PHACTR1: variants seen among roughly 807,000 people sequenced by gnomAD.
PHACTR1 encodes RPEL repeat containing 1.
A neutral mutation model predicts 69.2 loss-of-function variants in PHACTR1; 16 were observed. The ratio of observed to expected loss-of-function variants is 0.23; its 90% CI spans 0.16 to 0.35. The LOEUF (loss-of-function observed/expected upper bound fraction) is 0.35, where lower values mean the gene tolerates loss of function less well. PHACTR1 is among the 10% of genes least tolerant of loss of function. The probability of loss-of-function intolerance (pLI) is 1.00; values close to 1 mark genes in which losing one functional copy is unlikely to be tolerated. For missense variants in PHACTR1, 510 were observed against 734.7 expected, an observed-to-expected ratio of 0.69 and a Z score of 3.54; for synonymous variants, 312 against 284.5, an observed-to-expected ratio of 1.10 and a Z score of -0.97.
At chr6:12,831,558 G>A (rs1777584499) in intron 4 of PHACTR1, among the ~76,000 whole-genome samples, 1 of 152,102 alleles carries the variant, frequency 6.6e-6, no homozygotes, top group African/African-American at 2.4e-5. Context: ...AATTCACATT[G>A]CACTATTGCA....
At chr6:13,048,860 A>G (rs1805504167) in intron 4 of PHACTR1, among the ~76,000 whole-genome samples, 16 of 152,192 alleles carry the variant, frequency 1.1e-4, no homozygotes. Context: ...TGTGTTCATA[A>G]GTTGGCTCAC....
At chr6:13,100,775 A>G (rs1815030698) in intron 5 of PHACTR1, among the ~76,000 whole-genome samples, 1 of 152,206 alleles carries the variant, frequency 6.6e-6, no homozygotes, top group African/African-American at 2.4e-5. Flanking sequence ...AAGACGATTG[A>G]TGCTTGTGCC....
chr6:12,821,329 A>T (rs1173950961), intron 4 of PHACTR1, among the ~76,000 whole-genome samples: 2 of 152,040 alleles, frequency 1.3e-5, no homozygotes, highest in Admixed American at 6.5e-5. Context: ...CAGGCACAGT[A>T]GCACACATCT....
At chr6:12,916,777 C>T (rs529328623) in intron 4 of PHACTR1, among the ~76,000 whole-genome samples, 1 of 152,266 alleles carries the variant, frequency 6.6e-6, no homozygotes, top group South Asian at 2.1e-4. Flanking sequence ...CCAATATGTG[C>T]ACCCTTAATA....
chr6:12,905,377 C>T (rs545333966), intron 4 of PHACTR1, among the ~76,000 whole-genome samples: 3 of 152,266 alleles, frequency 2.0e-5, no homozygotes, highest in Admixed American at 1.3e-4. Flanking sequence ...AGACCTTCAG[C>T]GCTGGTTCTA....
intron 4 of PHACTR1, among the ~76,000 whole-genome samples, chr6:12,865,469 TG>T (rs1781361097): frequency 1.3e-5 from 2 of 151,990 alleles, no homozygotes; most frequent in Non-Finnish European, 2.9e-5. Context: ...TGTGTGTGTG[TG>T]TGTGTGTGTG....
intron 4 of PHACTR1, among the ~76,000 whole-genome samples, chr6:13,030,657 T>C (rs535611552): frequency 6.6e-6 from 1 of 152,386 alleles, no homozygotes; most frequent in East Asian, 1.9e-4. Flanking sequence ...GTTTGTATTA[T>C]AGCTGAAACA....
chr6:13,222,909 G>A (rs1768917077), intron 8 of PHACTR1, among the ~76,000 whole-genome samples: 1 of 152,168 alleles, frequency 6.6e-6, no homozygotes, highest in African/African-American at 2.4e-5. Flanking sequence ...TAACCAAACT[G>A]TGATATCTGC....
chr6:12,853,368 G>A (rs1780017647), intron 4 of PHACTR1, among the ~76,000 whole-genome samples: 1 of 152,122 alleles, frequency 6.6e-6, no homozygotes, highest in Non-Finnish European at 1.5e-5. Context: ...ATCAGATTTG[G>A]CACAGGAGAT....
At chr6:13,054,478 C>T (rs967042192) in intron 5 of PHACTR1, among the ~76,000 whole-genome samples, 11 of 152,200 alleles carry the variant, frequency 7.2e-5, no homozygotes, top group African/African-American at 2.7e-4. Context: ...TCTCACAGTT[C>T]TGGAGGCTGG....
At chr6:12,896,688 G>A (rs187009962) in intron 4 of PHACTR1, among the ~76,000 whole-genome samples, 8 of 152,314 alleles carry the variant, frequency 5.3e-5, no homozygotes, top group South Asian at 4.1e-4. Flanking sequence ...GCTGAAAGCC[G>A]TTCTAAACAT....
At chr6:12,939,261 A>G (rs1397877077) in intron 4 of PHACTR1, among the ~76,000 whole-genome samples, 1 of 152,164 alleles carries the variant, frequency 6.6e-6, no homozygotes, top group Non-Finnish European at 1.5e-5. Context: ...ATCGAAGGAG[A>G]GATTGCCTTA....
intron 4 of PHACTR1, among the ~76,000 whole-genome samples, chr6:12,835,503 A>C (rs1171489915): frequency 2.0e-5 from 3 of 152,180 alleles, no homozygotes; most frequent in Non-Finnish European, 2.9e-5. Context: ...TATTTTTAAT[A>C]GACTGTACAT....
intron 5 of PHACTR1, among the ~76,000 whole-genome samples, chr6:13,078,949 G>T (rs1472405613): frequency 8.6e-5 from 13 of 151,990 alleles, no homozygotes; most frequent in Non-Finnish European, 1.8e-4. Flanking sequence ...TGTTTGGGGG[G>T]GTCTAGCTTT....
At chr6:13,201,564 G>C (rs1426520566) in intron 7 of PHACTR1, among the ~76,000 whole-genome samples, 2 of 152,154 alleles carry the variant, frequency 1.3e-5, no homozygotes, top group African/African-American at 4.8e-5. Flanking sequence ...TACAGAGTGG[G>C]GACAGATCAG....
chr6:12,815,937 A>G (rs1339465957), intron 4 of PHACTR1, among the ~76,000 whole-genome samples: 2 of 152,190 alleles, frequency 1.3e-5, no homozygotes, highest in African/African-American at 2.4e-5. Flanking sequence ...AAGTGAAAGA[A>G]TCAATATTTC....
chr6:12,842,151 T>G (rs1025689732), intron 4 of PHACTR1, among the ~76,000 whole-genome samples: 1 of 152,204 alleles, frequency 6.6e-6, no homozygotes, highest in Non-Finnish European at 1.5e-5. Context: ...GGAGAACAAA[T>G]GATGCCTGTT....
At position 13,179,666 on chromosome 6, in the gene PHACTR1, ATAGG is replaced by A. The variant is rs913020507; in HGVS notation, c.497-2837_497-2834del. On this transcript the variant is annotated intron_variant, in intron 6 of 14. Coordinates refer to ENST00000332995, the MANE Select transcript of PHACTR1 (RefSeq NM_030948.6). This position sits in a 1 kb window ranked among gnomAD's most constrained non-coding sequence, Gnocchi z 4.2. ...GGATGGGTGGTTGATAGGTAGGAAG[ATAGG>A]TAGGTAGGTAGGTAGATAGATAAGT... Among the ~76,000 whole-genome samples, 38 of 150,836 alleles carry A rather than the reference ATAGG, an allele frequency of 2.5e-4. No homozygotes were observed. Among genetic ancestry groups the A allele is most frequent in the African/African-American group, 4.9e-4 (20 of 41,012 alleles).
chr6:13,078,831 GAAC>G (rs1395726577), intron 5 of PHACTR1, among the ~76,000 whole-genome samples: 1 of 152,122 alleles, frequency 6.6e-6, no homozygotes, highest in East Asian at 1.9e-4. Flanking sequence ...TTAAGAGAAA[GAAC>G]AAGTAAAGGC....
Sources: gnomAD v4.1 joint callset for allele counts (sites outside exome capture counted in the v4.1 genomes callset) on GRCh38, gnomAD v4.1.1 for gene constraint, Gnocchi (gnomAD v3.1) non-coding constraint, MANE v1.5 for transcripts, NCBI Gene and HGNC (gene_info 2026-07-23, HGNC 2026-07-21) for gene names.